GALNT16: variants seen among roughly 807,000 people sequenced by gnomAD.
The protein encoded by GALNT16 is UDP-GalNAc:polypeptide N-acetylgalactosaminyltransferase-like protein 1.
Under a neutral mutation model 76.1 loss-of-function variants are expected in GALNT16, and 40 were observed. The ratio of observed to expected loss-of-function variants is 0.53; its 90% CI spans 0.41 to 0.68. The LOEUF (loss-of-function observed/expected upper bound fraction) is 0.68, where lower values mean the gene tolerates loss of function less well. Among genes scored for constraint, GALNT16 ranks in the 30% least tolerant of loss-of-function variants. The pLI is 0.00. For synonymous variants in GALNT16, 276 were observed against 285.2 expected, an observed-to-expected ratio of 0.97 and a Z score of 0.32; for missense variants, 621 against 731.9, an observed-to-expected ratio of 0.85 and a Z score of 1.75.
chr14:69,337,526 GA>G (rs1396517652), intron 9 of GALNT16, among the ~76,000 whole-genome samples: 3 of 152,248 alleles, frequency 2.0e-5, no homozygotes, highest in Non-Finnish European at 4.4e-5. Flanking sequence ...AATGGAACCA[GA>G]ATGCAGATCT....
intron 10 of GALNT16, among the ~76,000 whole-genome samples, 184 bp downstream of exon 10, chr14:69,338,961 C>T (rs758303901): frequency 3.9e-5 from 6 of 152,012 alleles, no homozygotes; most frequent in Non-Finnish European, 8.8e-5. Flanking sequence ...AGGGAGTTGC[C>T]ACCAGGTCTC....
intron 1 of GALNT16, among the ~76,000 whole-genome samples, chr14:69,267,608 C>G (rs1319390893): frequency 6.6e-6 from 1 of 152,170 alleles, no homozygotes. Context: ...TTCCTGGCCC[C>G]TAGGTGGGCC....
At chr14:69,306,751 G>A (rs970239473) in intron 1 of GALNT16, among the ~76,000 whole-genome samples, 2 of 152,172 alleles carry the variant, frequency 1.3e-5, no homozygotes, top group African/African-American at 4.8e-5. Context: ...GAGTTTTGGG[G>A]CACCCTGCCA....
chr14:69,315,091 T>C (rs2045081589), intron 1 of GALNT16, among the ~76,000 whole-genome samples: 1 of 152,236 alleles, frequency 6.6e-6, no homozygotes, highest in African/African-American at 2.4e-5. Flanking sequence ...TATTTTCCTT[T>C]CTTATTTTAA....
At position 69,284,420 on chromosome 14, in the gene GALNT16, G is replaced by C. The variant is rs573703407; in HGVS notation, c.177+23953G>C. ...TTCCAGTTAACTCACCCCGTGTGGC[G>C]TGTGCAGACGAAGGTGACATTGGGG... On this transcript the variant is annotated intron_variant, in intron 1 of 14. Coordinates refer to ENST00000448469, the MANE Select transcript of GALNT16 (RefSeq NM_001168368.2). Among the ~76,000 whole-genome samples, 46 of 152,316 alleles carry C rather than the reference G, an allele frequency of 3.0e-4. 1 individual carries two copies. The highest frequency in any genetic ancestry group is 6.8e-3 in the Middle Eastern group (2 of 294).
At chr14:69,349,979 TGA>T (rs2140204231) in intron 14 of GALNT16, 1 of 152,272 alleles carries the variant, frequency 6.6e-6, no homozygotes, top group South Asian at 2.1e-4. Context: ...TTTGGGAGGC[TGA>T]GATGGGTGGA....
the GALNT16 span, among the ~76,000 whole-genome samples, chr14:69,377,507 C>A: frequency 2.0e-3 from 302 of 152,130 alleles, 1 homozygote; most frequent in African/African-American, 7.0e-3. Context: ...ATTAATATTT[C>A]TTCCAAAAGT....
intron 6 of GALNT16, among the ~76,000 whole-genome samples, chr14:69,329,076 G>A (rs1488740660): frequency 6.6e-6 from 1 of 152,114 alleles, no homozygotes; most frequent in African/African-American, 2.4e-5. Context: ...TTGGCAAAGG[G>A]GCCTGGAGCG....
chr14:69,348,249 C>T, intron 14 of GALNT16: 1 of 596,530 alleles, frequency 1.7e-6, no homozygotes, highest in Non-Finnish European at 3.0e-6. Context: ...AGGCAGGGAC[C>T]ACTTGTCTTG....
chr14:69,343,885 C>T (rs183462742), intron 12 of GALNT16, among the ~76,000 whole-genome samples: 22 of 152,324 alleles, frequency 1.4e-4, no homozygotes, highest in East Asian at 3.9e-4. Flanking sequence ...GAACCAGCTA[C>T]GTCGATGAGG....
At chr14:69,359,098 C>T (rs899908870), downstream of GALNT16, 21 of 152,404 alleles carry the variant, frequency 1.4e-4, no homozygotes, top group Middle Eastern at 3.4e-3. Context: ...GCGTTCCTTC[C>T]CAGCCTGTCA....
the GALNT16 span, among the ~76,000 whole-genome samples, chr14:69,384,617 A>G: frequency 6.6e-6 from 1 of 152,248 alleles, no homozygotes; most frequent in Non-Finnish European, 1.5e-5. Flanking sequence ...AAAGACAACC[A>G]TTAATTTTTA....
At chr14:69,273,467 G>C (rs952343506) in intron 1 of GALNT16, among the ~76,000 whole-genome samples, 1 of 152,190 alleles carries the variant, frequency 6.6e-6, no homozygotes, top group African/African-American at 2.4e-5. Flanking sequence ...GGCTATGATC[G>C]ATTAGCCATG....
At chr14:69,343,034 T>C (rs1216446697) in intron 12 of GALNT16, among the ~76,000 whole-genome samples, 1 of 152,242 alleles carries the variant, frequency 6.6e-6, no homozygotes, top group Non-Finnish European at 1.5e-5. Flanking sequence ...TGTTCACTGC[T>C]TTATCTCCAG....
chr14:69,261,607 C>T lies in GALNT16; in HGVS notation c.177+1140C>T, dbSNP rs2044274134. On this transcript the variant is annotated intron_variant, in intron 1 of 14. Coordinates refer to ENST00000448469, the MANE Select transcript of GALNT16 (RefSeq NM_001168368.2). The surrounding 1 kb of genome is among the most constrained non-coding windows in gnomAD (Gnocchi z 6.4). ...GGGGGTGGAGGGGTGAGGAGATCCGCGGGGGAGGTGCAAGGTCCGGAGGGC... is the reference window on the plus strand; with the variant it reads ...GGGGGTGGAGGGGTGAGGAGATCCGTGGGGGAGGTGCAAGGTCCGGAGGGC... Among the ~76,000 whole-genome samples the T allele has an allele frequency of 6.7e-6, 1 of 150,072 alleles. No homozygotes were observed. The highest frequency in any genetic ancestry group is 2.1e-4 in the South Asian group (1 of 4,692).
intron 12 of GALNT16, among the ~76,000 whole-genome samples, chr14:69,346,781 C>T (rs1342167454): frequency 6.6e-6 from 1 of 152,126 alleles, no homozygotes; most frequent in Non-Finnish European, 1.5e-5. Flanking sequence ...GCCCATGGCT[C>T]CCCCATCCTC....
chr14:69,329,935 T>C (rs56315504), intron 6 of GALNT16, among the ~76,000 whole-genome samples: 3,772 of 152,190 alleles, frequency 0.025, 160 homozygotes, highest in African/African-American at 0.087. Flanking sequence ...AACATGAGAT[T>C]TGGGGGGATA....
chr14:69,327,178 C>T (rs2045296840), intron 5 of GALNT16, among the ~76,000 whole-genome samples: 2 of 152,128 alleles, frequency 1.3e-5, no homozygotes, highest in Non-Finnish European at 2.9e-5. Context: ...TGCTAAAACC[C>T]CGTCTCTACT....
chr14:69,361,771 C>T (rs1291828805), downstream of GALNT16, among the ~76,000 whole-genome samples: 1 of 152,124 alleles, frequency 6.6e-6, no homozygotes, highest in Non-Finnish European at 1.5e-5. Context: ...CTTTGGGAGG[C>T]CGAGGCAGGT....
Sources: allele counts gnomAD v4.1 joint callset (sites outside exome capture counted in the v4.1 genomes callset), GRCh38; gene constraint gnomAD v4.1.1; non-coding constraint Gnocchi (gnomAD v3.1); transcripts MANE v1.5; gene names NCBI Gene and HGNC (gene_info 2026-07-23, HGNC 2026-07-21).